Variants in ITGAV observed in about 807,000 individuals in gnomAD.
The protein encoded by ITGAV is integrin subunit alpha V.
A neutral mutation model predicts 143.8 loss-of-function variants in ITGAV; 76 were observed. That is an observed-to-expected ratio of 0.53 (90% confidence interval 0.44 to 0.64). The LOEUF is 0.64. ITGAV is among the 30% of genes least tolerant of loss of function. The pLI is 0.00. For missense variants in ITGAV, 1,193 were observed against 1,274.7 expected, an observed-to-expected ratio of 0.94 and a Z score of 0.98; for synonymous variants, 453 against 446.7, an observed-to-expected ratio of 1.01 and a Z score of -0.18.
chr2:186,640,918 G>T lies in ITGAV; in HGVS notation c.907G>T (p.Ala303Ser). ...SLYNFTGEQM[A>S]AYFGFSVAAT... The stretch of plus-strand genomic sequence containing the variant: ...TCATTTTCATCTTTTTATCCAGATG[G>T]CTGCATATTTCGGATTTTCTGTAGC... Residue 303 changes from alanine to serine, a missense_variant, in exon 11 of 30, where the codon GCT (alanine) becomes TCT (serine). Physicochemically the swap from Ala to Ser is moderately conservative, Grantham distance 99. Transcript: ENST00000261023. 6.3e-7 allele frequency: 1 copy of T among 1,590,796 alleles called. No individual in the cohort carries two copies. The highest frequency in any genetic ancestry group is 1.7e-5 in the Admixed American group (1 of 58,770).
chr2:186,638,897 C>CTTT (rs757207733), intron 10 of ITGAV, among the ~76,000 whole-genome samples: 3 of 130,734 alleles, frequency 2.3e-5, no homozygotes, highest in African/African-American at 8.3e-5. Flanking sequence ...TTTTTGTTTC[C>CTTT]TTTTTTTTTT....
intron 2 of ITGAV, among the ~76,000 whole-genome samples, chr2:186,611,722 T>C (rs1687222035): frequency 6.6e-6 from 1 of 152,134 alleles, no homozygotes; most frequent in African/African-American, 2.4e-5. Context: ...TCCCCATCTG[T>C]CAAATAAGCA....
intron 2 of ITGAV, among the ~76,000 whole-genome samples, chr2:186,603,514 A>T (rs945101493): frequency 3.9e-5 from 6 of 152,208 alleles, no homozygotes; most frequent in African/African-American, 1.4e-4. Flanking sequence ...ATTTTTCCAT[A>T]TATGGCTAAT....
chr2:186,636,400 G>A (rs1189648031), intron 7 of ITGAV, among the ~76,000 whole-genome samples, 193 bp downstream of exon 7: 1 of 152,196 alleles, frequency 6.6e-6, no homozygotes, highest in Non-Finnish European at 1.5e-5. Context: ...ATTGAAGACA[G>A]TGATTATTTG....
chr2:186,665,283 C>A, intron 21 of ITGAV, 65 bp downstream of exon 21: 2 of 1,020,274 alleles, frequency 2.0e-6, no homozygotes, highest in Non-Finnish European at 3.0e-6. Context: ...GTTGTCTGGG[C>A]TCATAGTAAT....
At chr2:186,651,214 A>C (rs2105725712) in intron 14 of ITGAV, among the ~76,000 whole-genome samples, 1 of 152,290 alleles carries the variant, frequency 6.6e-6, no homozygotes, top group South Asian at 2.1e-4. Context: ...TATGTAGCGG[A>C]GTTTGCGATG....
intron 21 of ITGAV, 93 bp from the exon 22 acceptor site, chr2:186,666,611 A>G: frequency 3.2e-6 from 2 of 618,810 alleles, no homozygotes; most frequent in South Asian, 3.3e-5. Context: ...GAAAAACCCC[A>G]TTTTAGAACA....
intron 2 of ITGAV, among the ~76,000 whole-genome samples, chr2:186,602,661 G>A (rs898743236): frequency 3.9e-5 from 6 of 152,026 alleles, no homozygotes; most frequent in Non-Finnish European, 7.4e-5. Flanking sequence ...GGCAGATCAC[G>A]AGGTCAGGAG....
intron 2 of ITGAV, among the ~76,000 whole-genome samples, chr2:186,615,917 T>G (rs1326809067): frequency 6.6e-6 from 1 of 152,222 alleles, no homozygotes; most frequent in Non-Finnish European, 1.5e-5. Context: ...TTTAAGAGTT[T>G]TATAGTTTTA....
intron 2 of ITGAV, among the ~76,000 whole-genome samples, chr2:186,612,125 G>C (rs1198226413): frequency 6.6e-6 from 1 of 152,142 alleles, no homozygotes; most frequent in Non-Finnish European, 1.5e-5. Flanking sequence ...ATTGATTATA[G>C]CTTGATTTGC....
At chr2:186,616,365 G>A (rs936995826) in intron 2 of ITGAV, among the ~76,000 whole-genome samples, 6 of 135,624 alleles carry the variant, frequency 4.4e-5, no homozygotes, top group South Asian at 2.4e-4. Context: ...TGCAAGCTCC[G>A]CCTCCCGGGT....
intron 10 of ITGAV, among the ~76,000 whole-genome samples, chr2:186,640,506 CTTG>C (rs1688072247): frequency 6.6e-6 from 1 of 152,144 alleles, no homozygotes; most frequent in Non-Finnish European, 1.5e-5. Context: ...CCATATAAAA[CTTG>C]TTGGGTTCAA....
In ITGAV at chr2:186,677,371, G is replaced by A; in HGVS notation, c.*79G>A. 9.0e-7 allele frequency: 1 copy of A among 1,110,994 alleles called. No individual in the cohort carries two copies. The highest frequency in any genetic ancestry group is 1.3e-6 in the Non-Finnish European group (1 of 751,852). 68.8% of individuals were successfully genotyped at this position (1,110,994 alleles called of 1,614,324 possible). A position where few individuals can be genotyped will look rare whatever the true frequency, so the allele number is the denominator to read the frequency against. The stretch of plus-strand genomic sequence containing the variant: ...TATAGATTTAAACTTTCTTCATGAG[G>A]AGTAAAAATCCAAGGCTTTACTGCT... On this transcript the variant is annotated 3_prime_UTR_variant, in exon 30 of 30. Coordinates refer to ENST00000261023, the MANE Select transcript of ITGAV (RefSeq NM_002210.5).
At chr2:186,675,524 GA>G (rs1352695801) in intron 26 of ITGAV, 79 bp from the exon 27 acceptor site, 26 of 1,023,216 alleles carry the variant, frequency 2.5e-5, no homozygotes, top group Non-Finnish European at 3.2e-5. Flanking sequence ...CACACAAAAA[GA>G]AAAAAAATGG....
intron 26 of ITGAV, among the ~76,000 whole-genome samples, chr2:186,670,108 T>C (rs1180207923): frequency 6.6e-6 from 1 of 152,224 alleles, no homozygotes; most frequent in Non-Finnish European, 1.5e-5. Context: ...TCTGAGGCTT[T>C]AGTACGATAC....
At chr2:186,634,237 T>G (rs770011638) in intron 6 of ITGAV, among the ~76,000 whole-genome samples, 28 of 151,974 alleles carry the variant, frequency 1.8e-4, no homozygotes, top group Non-Finnish European at 2.9e-4. Flanking sequence ...TGTTTCTTTA[T>G]GTATCATTAG....
chr2:186,680,705 C>A lies in ITGAV; in HGVS notation c.*3413C>A, dbSNP rs1689327688. On this transcript the variant is annotated 3_prime_UTR_variant, in exon 30 of 30. Coordinates refer to ENST00000261023, the MANE Select transcript of ITGAV (RefSeq NM_002210.5). Reference sequence around the variant, plus strand: ...GTAACTTGGAAGCTGTGTAGTATATCAAATTAATTTGCTACCTAATAACAT... The same window carrying A: ...GTAACTTGGAAGCTGTGTAGTATATAAAATTAATTTGCTACCTAATAACAT... 1.3e-5 allele frequency: 2 copies of A among 152,530 alleles called. No individual in the cohort carries two copies. The highest frequency in any genetic ancestry group is 4.8e-5 in the African/African-American group (2 of 41,428). The allele number at this position is 152,530 out of a possible 1,614,324, so 9.4% of individuals were successfully genotyped here. A position where few individuals can be genotyped will look rare whatever the true frequency, so the allele number is the denominator to read the frequency against.
At position 186,657,059 on chromosome 2, in the gene ITGAV, A is replaced by G. The variant is rs147694451; in HGVS notation, c.1719+658A>G. Among the ~76,000 whole-genome samples, 807 of 152,040 alleles carry G rather than the reference A, an allele frequency of 5.3e-3. 8 individuals carry two copies. Among genetic ancestry groups the G allele is most frequent in the South Asian group, 0.014 (66 of 4,820 alleles). The stretch of plus-strand genomic sequence containing the variant: ...AGAAGAAGCATCAGATTTTAGACCC[A>G]CAAAGACCAGCTACAGAGCACAAAT... On this transcript the variant is annotated intron_variant, in intron 17 of 29. Coordinates refer to ENST00000261023, the MANE Select transcript of ITGAV (RefSeq NM_002210.5).
chr2:186,656,102 C>T (rs1325500505), intron 16 of ITGAV, 145 bp from the exon 17 acceptor site: 4 of 496,562 alleles, frequency 8.1e-6, no homozygotes, highest in Non-Finnish European at 7.0e-6. Context: ...GTTGTAGTCT[C>T]ATTACAATGT....
Sources: gnomAD v4.1 joint callset for allele counts (sites outside exome capture counted in the v4.1 genomes callset) on GRCh38, gnomAD v4.1.1 for gene constraint, MANE v1.5 for transcripts, NCBI Gene and HGNC (gene_info 2026-07-23, HGNC 2026-07-21) for gene names.